PARD3B: variants seen among roughly 807,000 people sequenced by gnomAD.
PARD3B encodes the protein partitioning defective 3 homolog B.
In PARD3B, 103 loss-of-function variants were observed where a neutral mutation model predicts 130.2. The observed-to-expected ratio is 0.79, with a 90% CI of 0.67 to 0.93. The LOEUF is 0.93. Ranked by LOEUF, PARD3B falls within the 40% of genes least tolerant of loss-of-function variation. The pLI is 0.00. For missense variants in PARD3B, 1,609 were observed against 1,499.2 expected (o/e 1.07, Z -1.21); for synonymous variants, 583 against 553.2 (o/e 1.05, Z -0.76).
intron 4 of PARD3B, among the ~76,000 whole-genome samples, chr2:205,054,427 T>A: frequency 4.0e-5 from 1 of 24,740 alleles, no homozygotes; most frequent in Non-Finnish European, 8.5e-5. Context: ...TATATATATA[T>A]ATATATATAT....
intron 3 of PARD3B, among the ~76,000 whole-genome samples, chr2:205,029,653 T>TA (rs746117382): frequency 9.9e-5 from 15 of 152,198 alleles, no homozygotes; most frequent in Non-Finnish European, 2.1e-4. Flanking sequence ...GGCATTGTGT[T>TA]ATGCATTAGT....
intron 3 of PARD3B, among the ~76,000 whole-genome samples, chr2:205,038,359 G>A (rs1348656100): frequency 6.6e-6 from 1 of 151,996 alleles, no homozygotes; most frequent in Non-Finnish European, 1.5e-5. Flanking sequence ...TCAAAGACCT[G>A]GACCTTTGCT....
intron 18 of PARD3B, among the ~76,000 whole-genome samples, chr2:205,324,736 T>C (rs1344534194): frequency 6.6e-6 from 1 of 151,966 alleles, no homozygotes. Flanking sequence ...CTATACCCAG[T>C]CCTCCTCTCT....
At chr2:205,546,315 C>G (rs2052377512) in intron 21 of PARD3B, among the ~76,000 whole-genome samples, 1 of 152,078 alleles carries the variant, frequency 6.6e-6, no homozygotes, top group African/African-American at 2.4e-5. Flanking sequence ...GGCGTAAGTT[C>G]TAACGTTACA....
intron 1 of PARD3B, among the ~76,000 whole-genome samples, chr2:204,653,596 G>T (rs2035553572): frequency 6.6e-6 from 1 of 150,556 alleles, no homozygotes; most frequent in South Asian, 2.1e-4. Flanking sequence ...TTTGAGACCA[G>T]CCTGACCAAC....
chr2:204,942,268 T>G (rs981290200), intron 2 of PARD3B, among the ~76,000 whole-genome samples: 1 of 152,228 alleles, frequency 6.6e-6, no homozygotes, highest in Non-Finnish European at 1.5e-5. Flanking sequence ...AACTTTTACT[T>G]TCCCTGTTTT....
At chr2:205,593,889 A>T (rs1490629278) in intron 22 of PARD3B, among the ~76,000 whole-genome samples, 1 of 152,214 alleles carries the variant, frequency 6.6e-6, no homozygotes, top group Non-Finnish European at 1.5e-5. Context: ...GTAATATAAG[A>T]TCATGGATTC....
At chr2:205,087,478 T>C (rs1701807889) in intron 4 of PARD3B, among the ~76,000 whole-genome samples, 1 of 152,196 alleles carries the variant, frequency 6.6e-6, no homozygotes. Flanking sequence ...AAGCATGCCA[T>C]TTGATCTGTA....
chr2:204,937,437 A>G (rs1303113288), intron 2 of PARD3B, among the ~76,000 whole-genome samples: 2 of 152,034 alleles, frequency 1.3e-5, no homozygotes, highest in Admixed American at 6.6e-5. Flanking sequence ...TAGTTTAACA[A>G]CCATTTAACT....
Position 205,493,926 on chromosome 2 carries a change from T to C in PARD3B, c.3045-5970T>C, listed in dbSNP as rs533713143. On this transcript the variant is annotated intron_variant, in intron 20 of 22. Transcript: ENST00000406610. ...GTGCATGCCACCATACCAGCTAATT[T>C]TTTTTTGTATTTTTAGTAGAGATGG... Among the ~76,000 whole-genome samples, 7 of 151,960 alleles carry C rather than the reference T, an allele frequency of 4.6e-5. No individual in the cohort carries two copies. In the East Asian group the frequency reaches 1.4e-3, roughly 30 times the overall value.
intron 3 of PARD3B, among the ~76,000 whole-genome samples, chr2:204,973,310 T>C (rs1691864184): frequency 6.6e-6 from 1 of 152,262 alleles, no homozygotes; most frequent in African/African-American, 2.4e-5. Context: ...ATTTTTTATT[T>C]ATACATATTC....
At chr2:205,188,070 C>T (rs1031099927) in intron 14 of PARD3B, among the ~76,000 whole-genome samples, 8 of 152,154 alleles carry the variant, frequency 5.3e-5, no homozygotes, top group East Asian at 3.9e-4. Context: ...GAGACAGACA[C>T]GCAGATAATT....
chr2:205,367,891 C>T (rs1422192029), intron 18 of PARD3B, among the ~76,000 whole-genome samples: 1 of 152,126 alleles, frequency 6.6e-6, no homozygotes, highest in East Asian at 1.9e-4. Context: ...CCTTTTACTC[C>T]TTTTATTCTT....
chr2:204,658,212 A>AG (rs1305652468), intron 1 of PARD3B, among the ~76,000 whole-genome samples: 6 of 152,228 alleles, frequency 3.9e-5, no homozygotes, highest in African/African-American at 1.4e-4. Context: ...TAAAAAAAAA[A>AG]TCTATCTTAT....
At chr2:205,516,446 T>TTGTA (rs1324177430) in intron 21 of PARD3B, among the ~76,000 whole-genome samples, 2 of 152,154 alleles carry the variant, frequency 1.3e-5, no homozygotes, top group African/African-American at 4.8e-5. Context: ...GTAATTGTAA[T>TTGTA]TGTAATCTGT....
chr2:205,237,749 G>T (rs777410757), intron 15 of PARD3B, among the ~76,000 whole-genome samples: 18 of 152,128 alleles, frequency 1.2e-4, no homozygotes, highest in African/African-American at 1.7e-4. Flanking sequence ...ATAACCGAGA[G>T]AAAGACAGCA....
rs2040059623 is a variant in PARD3B at position 204,742,712 on chromosome 2, C to T, written c.222+56430C>T. Reference sequence around the variant, plus strand: ...TAAAATGACTTTTTAAATGATTGCTCACTTGTCACTAACTTGATCTGCATT... The same window carrying T: ...TAAAATGACTTTTTAAATGATTGCTTACTTGTCACTAACTTGATCTGCATT... On this transcript the variant is annotated intron_variant, in intron 2 of 22. Transcript: ENST00000406610. Among the ~76,000 whole-genome samples, 5 of 152,104 alleles carry T rather than the reference C, an allele frequency of 3.3e-5. No individual in the cohort carries two copies. In the South Asian group the frequency reaches 6.2e-4, roughly 19 times the overall value.
chr2:205,027,300 C>T (rs1697104182), intron 3 of PARD3B, among the ~76,000 whole-genome samples: 1 of 152,016 alleles, frequency 6.6e-6, no homozygotes, highest in Non-Finnish European at 1.5e-5. Flanking sequence ...ATTTGCATTT[C>T]TCTGATGATT....
intron 18 of PARD3B, among the ~76,000 whole-genome samples, chr2:205,379,237 C>T (rs1017917392): frequency 1.3e-5 from 2 of 152,070 alleles, no homozygotes; most frequent in Admixed American, 6.6e-5. Flanking sequence ...GCTTCAAATC[C>T]CTGCCACCAC....
Sources: gnomAD v4.1 joint callset for allele counts (sites outside exome capture counted in the v4.1 genomes callset) on GRCh38, gnomAD v4.1.1 for gene constraint, MANE v1.5 for transcripts, NCBI Gene and HGNC (gene_info 2026-07-23, HGNC 2026-07-21) for gene names.